PDZRN4: variants seen among roughly 807,000 people sequenced by gnomAD.
The protein encoded by PDZRN4 is PDZ domain-containing RING finger protein 4.
PDZRN4 carries 70 observed loss-of-function variants against 99.0 expected under a neutral mutation model. That is an observed-to-expected ratio of 0.71 (90% CI 0.58 to 0.86). The LOEUF is 0.86. Among genes scored for constraint, PDZRN4 ranks in the 40% least tolerant of loss-of-function variants. PDZRN4 has a pLI of 0.00. For missense variants in PDZRN4, 1,474 were observed against 1,331.2 expected (o/e 1.11, Z -1.67); for synonymous variants, 551 against 501.6 (o/e 1.10, Z -1.32).
intron 3 of PDZRN4, among the ~76,000 whole-genome samples, chr12:41,414,717 A>C (rs1952429313): frequency 6.6e-6 from 1 of 152,142 alleles, no homozygotes; most frequent in Admixed American, 6.5e-5. Flanking sequence ...AAATTTTTAC[A>C]AAAATAATTA....
chr12:41,481,488 A>G (rs982735228), intron 3 of PDZRN4, among the ~76,000 whole-genome samples: 3 of 152,136 alleles, frequency 2.0e-5, no homozygotes, highest in Non-Finnish European at 4.4e-5. Flanking sequence ...CTGTTTTTCC[A>G]TATGAAAATT....
intron 3 of PDZRN4, among the ~76,000 whole-genome samples, chr12:41,277,149 T>A (rs764426206): frequency 2.6e-5 from 4 of 152,124 alleles, no homozygotes; most frequent in African/African-American, 4.8e-5. Flanking sequence ...AGCAGAACAA[T>A]GAAAATGCAA....
intron 3 of PDZRN4, among the ~76,000 whole-genome samples, chr12:41,452,437 TAA>T (rs774917437): frequency 1.5e-4 from 20 of 133,334 alleles, no homozygotes; most frequent in East Asian, 2.1e-4. Context: ...AGCCTCCGTC[TAA>T]AAAAAAAAAA....
intron 3 of PDZRN4, among the ~76,000 whole-genome samples, chr12:41,406,420 T>C (rs1952350758): frequency 6.6e-6 from 1 of 152,174 alleles, no homozygotes; most frequent in Non-Finnish European, 1.5e-5. Context: ...ATTACCAAGC[T>C]ACTGTGATGT....
chr12:41,296,645 T>C (rs1338146736), intron 3 of PDZRN4, among the ~76,000 whole-genome samples: 1 of 152,112 alleles, frequency 6.6e-6, no homozygotes. Context: ...TCCTCTTCCT[T>C]CTTTTTATTT....
Position 41,315,782 on chromosome 12 carries a change from TG to T in PDZRN4, c.843+121595del, listed in dbSNP as rs149990765. On this transcript the variant is annotated intron_variant, in intron 3 of 9. Transcript: ENST00000402685. ...CCTAATTTATTATACTCATTTAAAT[TG>T]TATTGCAAGTTGTTTTACTTTTGCT... Among the ~76,000 whole-genome samples, 481 of 152,272 alleles carry T rather than the reference TG, an allele frequency of 3.2e-3. 23 individuals carry two copies. In the East Asian group the frequency reaches 0.086, roughly 27 times the overall value.
intron 7 of PDZRN4, among the ~76,000 whole-genome samples, chr12:41,560,191 A>G (rs1293152268): frequency 6.6e-6 from 1 of 152,180 alleles, no homozygotes; most frequent in Non-Finnish European, 1.5e-5. Flanking sequence ...ATATAAACAC[A>G]TTTGAAATAA....
chr12:41,293,281 A>G (rs1418947093), intron 3 of PDZRN4, among the ~76,000 whole-genome samples: 2 of 147,950 alleles, frequency 1.4e-5, no homozygotes, highest in African/African-American at 5.0e-5. Flanking sequence ...TAGGCAATGT[A>G]ATTTCCCTGG....
intron 3 of PDZRN4, among the ~76,000 whole-genome samples, chr12:41,202,439 C>T (rs1950823223): frequency 6.6e-6 from 1 of 152,000 alleles, no homozygotes; most frequent in East Asian, 1.9e-4. Flanking sequence ...ATTATTCTTC[C>T]CAATGTCTTG....
intron 5 of PDZRN4, among the ~76,000 whole-genome samples, chr12:41,542,527 A>T (rs118119949): frequency 1.3e-5 from 2 of 152,292 alleles, no homozygotes; most frequent in Non-Finnish European, 2.9e-5. Flanking sequence ...TTCATTCAGC[A>T]TCTCTCTCCC....
chr12:41,199,456 C>A (rs1305706198), intron 3 of PDZRN4, among the ~76,000 whole-genome samples: 1 of 151,990 alleles, frequency 6.6e-6, no homozygotes, highest in Non-Finnish European at 1.5e-5. Flanking sequence ...TGGCGACTTC[C>A]CAAAGGATTA....
chr12:41,489,294 A>C (rs2034923), intron 3 of PDZRN4, among the ~76,000 whole-genome samples: 81,935 of 151,728 alleles, frequency 0.54, 22,888 homozygotes, highest in African/African-American at 0.7. Flanking sequence ...CTAGTGGGTA[A>C]AGGCCAGGGA....
intron 3 of PDZRN4, among the ~76,000 whole-genome samples, chr12:41,367,854 G>A (rs17129299): frequency 0.046 from 7,021 of 151,978 alleles, 507 homozygotes; most frequent in African/African-American, 0.16. Context: ...AAAAATCCTG[G>A]CGCCATGTCC....
At chr12:41,193,529 T>C (rs1250686567) in intron 2 of PDZRN4, among the ~76,000 whole-genome samples, 3 of 152,180 alleles carry the variant, frequency 2.0e-5, no homozygotes, top group Non-Finnish European at 4.4e-5. Flanking sequence ...CCCTTTTGCA[T>C]AGGTTCCCTT....
intron 3 of PDZRN4, among the ~76,000 whole-genome samples, chr12:41,376,582 C>T (rs1290182404): frequency 1.3e-5 from 2 of 152,040 alleles, no homozygotes; most frequent in African/African-American, 4.8e-5. Flanking sequence ...GGATTATTTG[C>T]TTTTATTCTA....
chr12:41,251,818 G>A (rs777902563), intron 3 of PDZRN4, among the ~76,000 whole-genome samples: 2 of 151,982 alleles, frequency 1.3e-5, no homozygotes, highest in Non-Finnish European at 2.9e-5. Flanking sequence ...TTATAAAAAC[G>A]TTATATTTAA....
chr12:41,355,017 A>T (rs1369141832), intron 3 of PDZRN4, among the ~76,000 whole-genome samples: 3 of 152,066 alleles, frequency 2.0e-5, no homozygotes, highest in African/African-American at 7.2e-5. Flanking sequence ...GGAAAGCACC[A>T]CACTGTTTAA....
At chr12:41,392,523 A>G (rs759112315) in intron 3 of PDZRN4, among the ~76,000 whole-genome samples, 3 of 152,178 alleles carry the variant, frequency 2.0e-5, no homozygotes, top group Admixed American at 6.6e-5. Flanking sequence ...AGAAGGCTCC[A>G]TATTACCAGA....
intron 3 of PDZRN4, among the ~76,000 whole-genome samples, chr12:41,384,096 G>A (rs1050837335): frequency 1.4e-5 from 2 of 144,474 alleles, no homozygotes; most frequent in South Asian, 2.2e-4. Flanking sequence ...TTCGCCTCCC[G>A]GGTTCAAGCG....
Sources: gnomAD v4.1 joint callset for allele counts (sites outside exome capture counted in the v4.1 genomes callset) on GRCh38, gnomAD v4.1.1 for gene constraint, MANE v1.5 for transcripts, NCBI Gene and HGNC (gene_info 2026-07-23, HGNC 2026-07-21) for gene names.